HIVEP1: variants seen among roughly 807,000 people sequenced by gnomAD.
HIVEP1 encodes the protein HIVEP zinc finger 1.
HIVEP1 carries 36 observed loss-of-function variants against 180.0 expected under a neutral mutation model. The ratio of observed to expected loss-of-function variants is 0.20; its 90% CI spans 0.15 to 0.26. The LOEUF is 0.26. Ranked by LOEUF, HIVEP1 falls within the 10% of genes least tolerant of loss-of-function variation. The pLI, the probability that HIVEP1 is intolerant of heterozygous loss-of-function variation, is 1.00. For missense variants in HIVEP1, 3,143 were observed against 3,268.7 expected (o/e 0.96, Z 0.94); for synonymous variants, 1,239 against 1,239.0 (o/e 1.00, Z 0.00).
In HIVEP1 at chr6:12,123,743, A is replaced by C. The variant is rs1168949647; in HGVS notation, c.3948A>C (p.Ser1316=). 1.9e-6 allele frequency: 3 copies of C among 1,614,054 alleles called. No homozygotes were observed. The highest frequency in any genetic ancestry group is 1.6e-4 in the Middle Eastern group (1 of 6,084). The change falls in exon 4 of 9, where the codon TCA becomes TCC. Residue 1316 remains serine (S), a synonymous_variant. Transcript: ENST00000379388. ...GGGAGAGCAGTTTATCTCACACTTC[A>C]AGTTTCTCAGCCTCTTTAGACATAG... ...LSRESSLSHT[S]SFSASLDIED...
chr6:12,156,718 G>A (rs949789690), intron 7 of HIVEP1, among the ~76,000 whole-genome samples: 14 of 152,090 alleles, frequency 9.2e-5, no homozygotes, highest in African/African-American at 3.4e-4. Context: ...CACTCTGTAT[G>A]GTTTCTACTG....
Position 12,081,689 on chromosome 6 carries a change from A to G in HIVEP1, c.41-7495A>G, listed in dbSNP as rs143908789. On this transcript the variant is annotated intron_variant, in intron 2 of 8. Transcript: ENST00000379388. ...TTTATTGGCTCCTCCCACTGGGCCT[A>G]TGAACATCTTGGAAGAACAAAACAA... 2.7e-3 allele frequency among the ~76,000 whole-genome samples: 410 copies of G among 152,238 alleles called. 3 individuals are homozygous for G. The highest frequency in any genetic ancestry group is 9.4e-3 in the African/African-American group (389 of 41,552).
chr6:12,014,683 T>C (rs984995348), intron 1 of HIVEP1, among the ~76,000 whole-genome samples: 2 of 152,360 alleles, frequency 1.3e-5, no homozygotes, highest in East Asian at 1.9e-4. Context: ...CTGAGGTGGC[T>C]GATTTGGGGA....
intron 2 of HIVEP1, among the ~76,000 whole-genome samples, chr6:12,081,015 AG>A (rs1772753610): frequency 6.6e-6 from 1 of 151,976 alleles, no homozygotes; most frequent in Admixed American, 6.6e-5. Context: ...CCTCCTATTC[AG>A]CCATCTGCTC....
Position 12,161,560 on chromosome 6 carries a change from G to C in HIVEP1, c.6609G>C (p.Leu2203=). The C allele has an allele frequency of 1.2e-6, 2 of 1,614,124 alleles. No individual in the cohort carries two copies. The highest frequency in any genetic ancestry group is 2.2e-5 in the South Asian group (2 of 91,084). ...DDEDSQAESV[L]SATPSVTASP... is the part of the protein sequence containing the mutation. ...AGGACAGCCAGGCTGAATCAGTCCT[G>C]TCAGCCACACCCTCAGTCACAGCTA... Residue 2203 remains leucine (L), a synonymous_variant, in exon 8 of 9, where the codon CTG becomes CTC. Transcript: ENST00000379388.
intron 2 of HIVEP1, among the ~76,000 whole-genome samples, chr6:12,032,960 C>T (rs1315897982): frequency 6.6e-6 from 1 of 152,190 alleles, no homozygotes; most frequent in South Asian, 2.1e-4. Context: ...GTATAAATTT[C>T]ATGTGCTTAC....
intron 3 of HIVEP1, among the ~76,000 whole-genome samples, chr6:12,101,619 A>G (rs192412978): frequency 4.5e-4 from 68 of 152,162 alleles, no homozygotes; most frequent in African/African-American, 1.6e-3. Context: ...AAATTATTAA[A>G]GAAATTAAAT....
intron 2 of HIVEP1, among the ~76,000 whole-genome samples, chr6:12,060,962 A>G (rs1308734473): frequency 6.6e-6 from 1 of 152,058 alleles, no homozygotes; most frequent in African/African-American, 2.4e-5. Context: ...TGCGGTTGCC[A>G]TGGAGAGGTA....
chr6:12,015,453 A>G (rs897945772), intron 1 of HIVEP1, 73 bp from the exon 2 acceptor site: 5 of 580,154 alleles, frequency 8.6e-6, no homozygotes, highest in African/African-American at 3.8e-5. Context: ...GTGCTCTGCT[A>G]GGCAGTAACT....
upstream of HIVEP1, among the ~76,000 whole-genome samples, chr6:12,010,968 G>T (rs1767244882): frequency 6.6e-6 from 1 of 152,078 alleles, no homozygotes; most frequent in East Asian, 1.9e-4. Flanking sequence ...TCCCGGGTTG[G>T]CCCTATAAGC....
intron 3 of HIVEP1, among the ~76,000 whole-genome samples, chr6:12,110,889 A>G (rs975219342): frequency 6.6e-6 from 1 of 152,206 alleles, no homozygotes; most frequent in Non-Finnish European, 1.5e-5. Context: ...TTTGGCTTAA[A>G]GCTAGAGACA....
chr6:12,057,293 T>A (rs1427841394), intron 2 of HIVEP1, among the ~76,000 whole-genome samples: 2 of 152,234 alleles, frequency 1.3e-5, no homozygotes, highest in Non-Finnish European at 2.9e-5. Context: ...ATTATTGATA[T>A]GTTTGCTAAA....
intron 7 of HIVEP1, among the ~76,000 whole-genome samples, chr6:12,157,552 C>T (rs1159854915): frequency 6.6e-6 from 1 of 152,190 alleles, no homozygotes; most frequent in Non-Finnish European, 1.5e-5. Flanking sequence ...GCAGTTTATA[C>T]ACAGCTCCTT....
At chr6:12,111,033 G>T (rs948166639) in intron 3 of HIVEP1, among the ~76,000 whole-genome samples, 2 of 152,224 alleles carry the variant, frequency 1.3e-5, no homozygotes, top group Non-Finnish European at 2.9e-5. Flanking sequence ...CCAGTTGATG[G>T]AGCAGTGAGA....
chr6:12,085,622 A>G (rs540158869), intron 2 of HIVEP1, among the ~76,000 whole-genome samples: 44 of 152,274 alleles, frequency 2.9e-4, no homozygotes, highest in African/African-American at 9.9e-4. Context: ...AAAACACAGC[A>G]TTCATTGAAC....
At chr6:12,017,520 G>A (rs557812888) in intron 2 of HIVEP1, among the ~76,000 whole-genome samples, 1 of 151,944 alleles carries the variant, frequency 6.6e-6, no homozygotes, top group Non-Finnish European at 1.5e-5. Flanking sequence ...AGTCTGCAAG[G>A]GGACCCAAGC....
At chr6:12,062,761 A>T (rs1378178685) in intron 2 of HIVEP1, among the ~76,000 whole-genome samples, 1 of 152,226 alleles carries the variant, frequency 6.6e-6, no homozygotes, top group Non-Finnish European at 1.5e-5. Context: ...TGTCATAAAG[A>T]TAAGAAAGGG....
At chr6:12,168,163 G>T (rs1283250481), downstream of HIVEP1, among the ~76,000 whole-genome samples, 1 of 99,490 alleles carries the variant, frequency 1.0e-5, no homozygotes, top group East Asian at 2.7e-4. Flanking sequence ...ACAGATATAC[G>T]TGTATATCTA....
At position 12,088,178 on chromosome 6, in the gene HIVEP1, C is replaced by T. The variant is rs80312475; in HGVS notation, c.41-1006C>T. ...CCTTTTATTTATTTGGAGTAGGATA[C>T]CATATTGGAGGTTACATCTTCCATG... On this transcript the variant is annotated intron_variant, in intron 2 of 8. Transcript: ENST00000379388. 1.3e-4 allele frequency among the ~76,000 whole-genome samples: 20 copies of T among 152,134 alleles called. No individual in the cohort carries two copies. The East Asian group carries it at 3.9e-3, about 29-fold the overall frequency.
Sources: gnomAD v4.1 joint callset for allele counts (sites outside exome capture counted in the v4.1 genomes callset) on GRCh38, gnomAD v4.1.1 for gene constraint, MANE v1.5 for transcripts, NCBI Gene and HGNC (gene_info 2026-07-23, HGNC 2026-07-21) for gene names.